MYO5B: variants seen among roughly 807,000 people sequenced by gnomAD.
MYO5B encodes the protein myosin VB, also known as unconventional myosin-Vb.
A neutral mutation model predicts 229.3 loss-of-function variants in MYO5B; 143 were observed. That is an observed-to-expected ratio of 0.62 (90% CI 0.54 to 0.72). MYO5B has a LOEUF of 0.72. Among genes scored for constraint, MYO5B ranks in the 30% least tolerant of loss-of-function variants. MYO5B has a pLI of 0.00. For missense variants in MYO5B, 2,321 were observed against 2,331.0 expected, an observed-to-expected ratio of 1.00 and a Z score of 0.09; for synonymous variants, 918 against 885.2, an observed-to-expected ratio of 1.04 and a Z score of -0.66.
chr18:49,872,055 G>T, intron 27 of MYO5B, 112 bp downstream of exon 27: 2 of 1,006,770 alleles, frequency 2.0e-6, no homozygotes, highest in South Asian at 1.3e-5. Flanking sequence ...CCTGCTTACT[G>T]CTCTCCTTGT....
At chr18:50,161,069 G>GT (rs1324018125) in intron 1 of MYO5B, among the ~76,000 whole-genome samples, 1 of 152,190 alleles carries the variant, frequency 6.6e-6, no homozygotes, top group Non-Finnish European at 1.5e-5. Context: ...CAAAGTTGCA[G>GT]TTGTCCCTTG....
chr18:49,849,453 C>G (rs1598830735), intron 32 of MYO5B, 114 bp downstream of exon 32: 1 of 853,128 alleles, frequency 1.2e-6, no homozygotes, highest in East Asian at 2.4e-5. Context: ...GCAGAGCCAC[C>G]AAGAAATCAG....
chr18:49,986,671 C>T (rs1439163703), intron 7 of MYO5B, among the ~76,000 whole-genome samples: 2 of 152,210 alleles, frequency 1.3e-5, no homozygotes, highest in Admixed American at 6.5e-5. Context: ...CAAGCACCGG[C>T]ACAGAGCAAT....
At chr18:49,996,039 G>C (rs944464239) in intron 5 of MYO5B, among the ~76,000 whole-genome samples, 2 of 152,204 alleles carry the variant, frequency 1.3e-5, no homozygotes, top group Non-Finnish European at 2.9e-5. Context: ...CGTTTCAACA[G>C]ATAAGTTTCA....
At chr18:50,094,373 G>A (rs1350665401) in intron 1 of MYO5B, among the ~76,000 whole-genome samples, 1 of 152,170 alleles carries the variant, frequency 6.6e-6, no homozygotes, top group Non-Finnish European at 1.5e-5. Context: ...CTTAGAAACA[G>A]GGAGGGGAAA....
intron 17 of MYO5B, among the ~76,000 whole-genome samples, chr18:49,924,175 C>T (rs1345800227): frequency 1.3e-5 from 2 of 152,144 alleles, no homozygotes; most frequent in African/African-American, 4.8e-5. Flanking sequence ...TGGGATTTCA[C>T]AAAAATACCA....
At position 49,990,484 on chromosome 18, in the gene MYO5B, G is replaced by C. The variant is rs1190554148; in HGVS notation, c.793C>G (p.Leu265Val). The C allele has an allele frequency of 9.3e-6, 15 of 1,613,804 alleles. No homozygotes were observed. Among genetic ancestry groups the C allele is most frequent in the African/African-American group, 4.0e-5 (3 of 74,920 alleles). Residue 265 changes from leucine to valine, a missense_variant, in exon 7 of 40, where the codon CTC becomes GTC. Leu to Val is a conservative substitution (Grantham distance 32). Coordinates refer to ENST00000285039, the MANE Select transcript of MYO5B (RefSeq NM_001080467.3). ...DERNYHIFYQLCAAAGLPEFK... is the reference protein window; with the variant it reads ...DERNYHIFYQVCAAAGLPEFK... ...TCTGGAAGACCGGCAGCAGCACAGA[G>C]CTGGTAAAAGATGTGGTAATTCCTC...
Position 49,925,450 on chromosome 18 carries a change from G to A in MYO5B, c.2090+4062C>T, listed in dbSNP as rs910219438. Reference sequence around the variant, plus strand: ...TGACCACCTTGGACACATGTTCTAAGGATCTCCTGAGGGCTGCGTCATGGG... The same window carrying A: ...TGACCACCTTGGACACATGTTCTAAAGATCTCCTGAGGGCTGCGTCATGGG... On this transcript the variant is annotated intron_variant, in intron 17 of 39. Transcript: ENST00000285039. Among the ~76,000 whole-genome samples the A allele has an allele frequency of 2.6e-5, 4 of 152,326 alleles. No individual in the cohort carries two copies. In the East Asian group the frequency reaches 7.7e-4, roughly 29 times the overall value.
chr18:50,057,608 CT>C (rs935158534), intron 1 of MYO5B, among the ~76,000 whole-genome samples: 3 of 152,024 alleles, frequency 2.0e-5, no homozygotes, highest in Admixed American at 1.3e-4. Context: ...TTGATCTCAA[CT>C]TTTATTCTAG....
chr18:50,135,790 A>G (rs2144278157), intron 1 of MYO5B, among the ~76,000 whole-genome samples: 1 of 152,268 alleles, frequency 6.6e-6, no homozygotes, highest in Middle Eastern at 3.4e-3. Flanking sequence ...TGACCTGGAG[A>G]CCCTGTCCAT....
intron 18 of MYO5B, among the ~76,000 whole-genome samples, chr18:49,910,602 C>A (rs17728024): frequency 6.6e-6 from 1 of 151,322 alleles, no homozygotes; most frequent in African/African-American, 2.4e-5. Flanking sequence ...GCAAGGTGGG[C>A]TAGTATTTAG....
chr18:50,101,246 G>T (rs1444570030), intron 1 of MYO5B, among the ~76,000 whole-genome samples: 1 of 152,166 alleles, frequency 6.6e-6, no homozygotes, highest in African/African-American at 2.4e-5. Flanking sequence ...GCATCAAGTT[G>T]TACACCTTAA....
chr18:49,858,544 G>A (rs1272813062), intron 29 of MYO5B, among the ~76,000 whole-genome samples: 1 of 152,142 alleles, frequency 6.6e-6, no homozygotes, highest in Non-Finnish European at 1.5e-5. Flanking sequence ...AGGGGCTGCT[G>A]GGGCTCTGTC....
chr18:50,027,337 G>T (rs1253120291), intron 4 of MYO5B, among the ~76,000 whole-genome samples: 1 of 152,114 alleles, frequency 6.6e-6, no homozygotes, highest in Non-Finnish European at 1.5e-5. Context: ...AGCCACAGAA[G>T]CCCACACCCA....
chr18:49,921,487 T>C (rs1270814264), intron 17 of MYO5B, among the ~76,000 whole-genome samples: 1 of 152,134 alleles, frequency 6.6e-6, no homozygotes, highest in Non-Finnish European at 1.5e-5. Flanking sequence ...TTTATGTGCA[T>C]AACAATGGAC....
chr18:49,858,473 C>T (rs1299534426), intron 29 of MYO5B, among the ~76,000 whole-genome samples: 1 of 152,212 alleles, frequency 6.6e-6, no homozygotes, highest in African/African-American at 2.4e-5. Context: ...CGCCAGGACC[C>T]AGGGTCTCCA....
chr18:50,171,474 C>T lies in MYO5B; in HGVS notation c.27+23293G>A, dbSNP rs745689396. Among the ~76,000 whole-genome samples, 7 of 127,758 alleles carry T rather than the reference C, an allele frequency of 5.5e-5. 1 individual carries two copies. Among genetic ancestry groups the T allele is most frequent in the Non-Finnish European group, 8.3e-5 (5 of 59,918 alleles). The allele number at this position is 127,758 out of a possible 152,430, so 83.8% of individuals were successfully genotyped here. ...AGGTACAGAACATTCCAGGCAGATA[C>T]AGCATGGATATGGAAAACTCAAGGT... is the stretch of plus-strand genomic sequence containing the variant. On this transcript the variant is annotated intron_variant, in intron 1 of 39. Transcript: ENST00000285039.
At chr18:49,955,337 A>C (rs1459264357) in intron 12 of MYO5B, among the ~76,000 whole-genome samples, 4 of 152,196 alleles carry the variant, frequency 2.6e-5, no homozygotes, top group Admixed American at 2.6e-4. Context: ...TCAAATTGTC[A>C]AGGATGACAG....
At chr18:49,879,840 T>C (rs951510449) in intron 23 of MYO5B, among the ~76,000 whole-genome samples, 9 of 152,164 alleles carry the variant, frequency 5.9e-5, no homozygotes, top group African/African-American at 2.2e-4. Flanking sequence ...TGGGATCTGA[T>C]TCAAGACTGT....
Sources: allele counts gnomAD v4.1 joint callset (sites outside exome capture counted in the v4.1 genomes callset), GRCh38; gene constraint gnomAD v4.1.1; transcripts MANE v1.5; gene names NCBI Gene and HGNC (gene_info 2026-07-23, HGNC 2026-07-21).